Variants in ZNF10 observed in about 807,000 individuals in gnomAD.
ZNF10 encodes zinc finger protein 10.
ZNF10 carries 8 observed loss-of-function variants against 12.2 expected under a neutral mutation model. The ratio of observed to expected loss-of-function variants is 0.66; its 90% confidence interval spans 0.39 to 1.18. ZNF10 has a LOEUF of 1.18. ZNF10 is among the 50% of genes most tolerant of loss of function. The pLI is 0.01. For synonymous variants in ZNF10, 229 were observed against 228.2 expected (o/e 1.00, Z -0.03); for missense variants, 603 against 678.9 (o/e 0.89, Z 1.24).
intron 1 of ZNF10, among the ~76,000 whole-genome samples, chr12:133,139,623 G>C (rs549635056): frequency 1.3e-5 from 2 of 152,304 alleles, no homozygotes; most frequent in South Asian, 4.2e-4. Flanking sequence ...TCAAGTAGGA[G>C]GTCTCTAGGT....
rs372283198 is a variant in ZNF10 at position 133,153,425 on chromosome 12, C to T, written c.256+1521C>T. 4.6e-5 allele frequency among the ~76,000 whole-genome samples: 7 copies of T among 152,180 alleles called. No individual in the cohort carries two copies. In the East Asian group the frequency reaches 9.6e-4, roughly 21 times the overall value. Reference sequence around the variant, plus strand: ...CTCATTCTTATGACCAAACTCTCCACTCAGAATTGTCCTCCATAAGTGCTC... The same window carrying T: ...CTCATTCTTATGACCAAACTCTCCATTCAGAATTGTCCTCCATAAGTGCTC... On this transcript the variant is annotated intron_variant, in intron 4 of 4. Transcript: ENST00000248211.
At position 133,148,554 on chromosome 12, in the gene ZNF10, A is replaced by T. The variant is rs548440962; in HGVS notation, c.34-2474A>T. Among the ~76,000 whole-genome samples the T allele has an allele frequency of 2.7e-3, 408 of 152,162 alleles. 1 individual carries two copies. Among genetic ancestry groups the T allele is most frequent in the Non-Finnish European group, 4.7e-3 (318 of 68,004 alleles). ...CATTTTGATCTATTTAGGATTTGAA[A>T]TTTTTTTGCAGATTGACACATTTAT... On this transcript the variant is annotated intron_variant, in intron 2 of 4. Coordinates refer to ENST00000248211, the MANE Select transcript of ZNF10 (RefSeq NM_015394.5).
At chr12:133,153,441 A>G (rs1434574470) in intron 4 of ZNF10, among the ~76,000 whole-genome samples, 3 of 152,206 alleles carry the variant, frequency 2.0e-5, no homozygotes, top group East Asian at 1.9e-4. Flanking sequence ...ATTGTCCTCC[A>G]TAAGTGCTCA....
chr12:133,141,345 A>T (rs770599676), intron 1 of ZNF10, among the ~76,000 whole-genome samples: 1 of 152,226 alleles, frequency 6.6e-6, no homozygotes, highest in East Asian at 1.9e-4. Flanking sequence ...TTCACCAAGC[A>T]TGCAAAGAGA....
At chr12:133,151,564 A>G (rs1024979554) in intron 3 of ZNF10, among the ~76,000 whole-genome samples, 10 of 152,182 alleles carry the variant, frequency 6.6e-5, no homozygotes, top group Admixed American at 1.3e-4. Context: ...GAATCACTTG[A>G]ACCCCGGAAG....
chr12:133,158,219 C>G lies in ZNF10; in HGVS notation c.*1251C>G, dbSNP rs1463941392. 6.6e-6 allele frequency: 1 copy of G among 152,178 alleles called. No homozygotes were observed. Among genetic ancestry groups the G allele is most frequent in the Non-Finnish European group, 1.5e-5 (1 of 68,034 alleles). 9.4% of individuals were successfully genotyped at this position (152,178 alleles called of 1,614,324 possible). On this transcript the variant is annotated 3_prime_UTR_variant, in exon 5 of 5. Transcript: ENST00000248211. ...GTATTAAATGAGTAAATGGAAACAG[C>G]TTAGAATAGTGCCTGACATATATTA...
rs761791689 is a variant in ZNF10, at chr12:133,156,443, T to C, written c.1197T>C (p.His399=). 1 of 1,613,528 alleles carries C rather than the reference T, an allele frequency of 6.2e-7. No individual in the cohort carries two copies. Among genetic ancestry groups the C allele is most frequent in the Non-Finnish European group, 8.5e-7 (1 of 1,179,744 alleles). The change falls in exon 5 of 5, where the codon CAT becomes CAC. Residue 399 remains histidine (H), a synonymous_variant. Coordinates refer to ENST00000248211, the MANE Select transcript of ZNF10 (RefSeq NM_015394.5). ...ATCTCATTCTGCATCAGAGAACCCA[T>C]GTGAGAGTGAGGCCCTATGAATGCA... is the stretch of plus-strand genomic sequence containing the variant. The part of the protein sequence containing the change: ...STHLILHQRT[H]VRVRPYECNE...
chr12:133,153,730 G>A (rs977644167), intron 4 of ZNF10, among the ~76,000 whole-genome samples: 18 of 152,176 alleles, frequency 1.2e-4, no homozygotes, highest in African/African-American at 3.9e-4. Context: ...TGGGGCTGCG[G>A]TAACAAAGAA....
intron 4 of ZNF10, 29 bp from the exon 5 acceptor site, chr12:133,155,474 G>C: frequency 6.4e-7 from 1 of 1,553,090 alleles, no homozygotes; most frequent in Non-Finnish European, 8.7e-7. Context: ...ACTCTGTTTA[G>C]TTACACAAAC....
intron 1 of ZNF10, chr12:133,144,160 T>G: frequency 5.4e-6 from 1 of 184,960 alleles, no homozygotes; most frequent in East Asian, 1.3e-4. Flanking sequence ...AAAAAAAAAT[T>G]TGTAATGGTA....
intron 1 of ZNF10, among the ~76,000 whole-genome samples, chr12:133,140,347 C>T (rs1021822667): frequency 4.0e-5 from 6 of 150,854 alleles, no homozygotes; most frequent in African/African-American, 9.7e-5. Context: ...CACCGCACTC[C>T]GGCCTAGGTG....
intron 1 of ZNF10, among the ~76,000 whole-genome samples, chr12:133,134,542 A>C (rs1451357041): frequency 6.6e-6 from 1 of 152,156 alleles, no homozygotes; most frequent in East Asian, 1.9e-4. Flanking sequence ...GCCCTCCGAA[A>C]CCTGTATCAG....
chr12:133,148,684 C>T (rs1955989585), intron 2 of ZNF10, among the ~76,000 whole-genome samples: 1 of 151,206 alleles, frequency 6.6e-6, no homozygotes, highest in Non-Finnish European at 1.5e-5. Flanking sequence ...TTAGTGTTTC[C>T]ATAGTATATC....
intron 1 of ZNF10, among the ~76,000 whole-genome samples, chr12:133,131,265 C>G (rs745653741): frequency 1.3e-5 from 2 of 151,206 alleles, no homozygotes; most frequent in Non-Finnish European, 2.9e-5. Context: ...TGTGGTTAAT[C>G]TATTTTTTTT....
At chr12:133,152,077 G>T (rs1956012125) in intron 4 of ZNF10, among the ~76,000 whole-genome samples, 173 bp downstream of exon 4, 1 of 152,204 alleles carries the variant, frequency 6.6e-6, no homozygotes, top group South Asian at 2.1e-4. Flanking sequence ...TTTGCATTCA[G>T]AGGCAAAGGT....
intron 1 of ZNF10, among the ~76,000 whole-genome samples, chr12:133,132,893 C>T (rs1436710423): frequency 6.6e-6 from 1 of 152,178 alleles, no homozygotes; most frequent in Non-Finnish European, 1.5e-5. Context: ...TAGACTCTAC[C>T]ATTAATATTT....
chr12:133,147,606 G>GA (rs1955983380), intron 2 of ZNF10, among the ~76,000 whole-genome samples: 2 of 131,446 alleles, frequency 1.5e-5, no homozygotes, highest in Non-Finnish European at 1.6e-5. Context: ...TCTGTTTTCT[G>GA]AGTTTTTTTT....
At chr12:133,146,331 G>C (rs1054319644) in intron 2 of ZNF10, among the ~76,000 whole-genome samples, 1 of 152,192 alleles carries the variant, frequency 6.6e-6, no homozygotes, top group Non-Finnish European at 1.5e-5. Context: ...CAGAGGGCAA[G>C]AGAAACCTTT....
intron 2 of ZNF10, 44 bp downstream of exon 2, chr12:133,144,569 T>C (rs1346193357): frequency 3.8e-6 from 6 of 1,584,700 alleles, no homozygotes; most frequent in Non-Finnish European, 1.7e-6. Flanking sequence ...GAATTCCTTT[T>C]TGCTTTAGTT....
Sources: allele counts gnomAD v4.1 joint callset (sites outside exome capture counted in the v4.1 genomes callset), GRCh38; gene constraint gnomAD v4.1.1; transcripts MANE v1.5; gene names NCBI Gene and HGNC (gene_info 2026-07-23, HGNC 2026-07-21).